The following FRMD5 variants were observed in gnomAD, a reference collection of about 807,000 sequenced individuals.
FRMD5 encodes FERM domain containing 5, also known as FERM domain-containing protein 5.
FRMD5 carries 20 observed loss-of-function variants against 69.0 expected under a neutral mutation model. That is an observed-to-expected ratio of 0.29 (90% CI 0.20 to 0.42). The LOEUF is 0.42. FRMD5 is among the 10% of genes least tolerant of loss of function. The pLI, the probability that FRMD5 is intolerant of heterozygous loss-of-function variation, is 1.00. For missense variants in FRMD5, 595 were observed against 708.6 expected (o/e 0.84, Z 1.82); for synonymous variants, 271 against 260.1 (o/e 1.04, Z -0.40).
intron 1 of FRMD5, among the ~76,000 whole-genome samples, chr15:44,033,043 G>T (rs1891753076): frequency 6.6e-6 from 1 of 152,122 alleles, no homozygotes; most frequent in South Asian, 2.1e-4. Context: ...AAAGAACAAG[G>T]TCATGTCTTT....
intron 1 of FRMD5, among the ~76,000 whole-genome samples, chr15:44,179,037 A>G (rs1002485582): frequency 1.3e-5 from 2 of 152,088 alleles, no homozygotes; most frequent in Non-Finnish European, 2.9e-5. Context: ...CCCAAGTCTA[A>G]TCAAAGTAAA....
intron 1 of FRMD5, among the ~76,000 whole-genome samples, chr15:44,178,723 G>T (rs1351844477): frequency 2.6e-5 from 4 of 152,114 alleles, no homozygotes; most frequent in African/African-American, 7.2e-5. Flanking sequence ...GGCCGGGTAC[G>T]GTGGCTCACA....
intron 1 of FRMD5, among the ~76,000 whole-genome samples, chr15:44,100,916 C>T (rs969019490): frequency 3.3e-5 from 5 of 151,988 alleles, no homozygotes; most frequent in South Asian, 4.2e-4. Context: ...TTTGGGAGGC[C>T]GAGGCAGGTG....
intron 1 of FRMD5, among the ~76,000 whole-genome samples, chr15:43,979,287 A>T (rs1034014343): frequency 6.6e-6 from 1 of 151,594 alleles, no homozygotes; most frequent in Non-Finnish European, 1.5e-5. Flanking sequence ...GTGAGCGGAG[A>T]TCACGCCATT....
intron 1 of FRMD5, among the ~76,000 whole-genome samples, chr15:44,026,899 CA>C (rs1408477150): frequency 1.3e-5 from 2 of 152,176 alleles, no homozygotes; most frequent in East Asian, 3.9e-4. Flanking sequence ...CATTGTCTAC[CA>C]GTTCTTTTGC....
At chr15:44,158,189 C>G (rs1050060559) in intron 1 of FRMD5, among the ~76,000 whole-genome samples, 9 of 152,122 alleles carry the variant, frequency 5.9e-5, no homozygotes, top group African/African-American at 2.2e-4. Context: ...GCATCTCACA[C>G]CAGGATGAGG....
At chr15:43,961,552 T>G (rs1204410464) in intron 1 of FRMD5, among the ~76,000 whole-genome samples, 3 of 152,220 alleles carry the variant, frequency 2.0e-5, no homozygotes, top group Non-Finnish European at 4.4e-5. Context: ...TAACTCATTT[T>G]ATGAGGTCAG....
At chr15:43,911,728 G>A (rs888658501) in intron 4 of FRMD5, among the ~76,000 whole-genome samples, 2 of 152,188 alleles carry the variant, frequency 1.3e-5, no homozygotes, top group African/African-American at 4.8e-5. Context: ...AATTCGAACA[G>A]TCTGAACCAA....
intron 1 of FRMD5, among the ~76,000 whole-genome samples, chr15:43,935,889 T>C (rs1312907311): frequency 3.3e-5 from 5 of 152,186 alleles, no homozygotes; most frequent in African/African-American, 7.2e-5. Flanking sequence ...GGAAAAACAC[T>C]CAATTCAGTG....
intron 1 of FRMD5, among the ~76,000 whole-genome samples, chr15:43,954,667 C>T (rs2090086662): frequency 6.6e-6 from 1 of 152,224 alleles, no homozygotes; most frequent in South Asian, 2.1e-4. Context: ...TTCTACAGAG[C>T]TTGGCGCTTG....
chr15:43,978,002 T>C (rs974861761), intron 1 of FRMD5, among the ~76,000 whole-genome samples: 1 of 151,888 alleles, frequency 6.6e-6, no homozygotes, highest in African/African-American at 2.4e-5. Context: ...CCCCTCCCCA[T>C]AGAAACTTTA....
intron 1 of FRMD5, 110 bp downstream of exon 1, chr15:44,194,843 A>T: frequency 1.1e-6 from 1 of 925,490 alleles, no homozygotes; most frequent in Non-Finnish European, 1.7e-6. Flanking sequence ...CGGACAAAGC[A>T]CGGCGCTGGG....
intron 1 of FRMD5, among the ~76,000 whole-genome samples, chr15:44,162,704 C>T (rs2140503865): frequency 6.6e-6 from 1 of 150,960 alleles, no homozygotes; most frequent in African/African-American, 2.4e-5. Context: ...TCCGACTCTA[C>T]TAAAAATACA....
chr15:44,032,356 T>A (rs770314452), intron 1 of FRMD5, among the ~76,000 whole-genome samples: 50 of 152,106 alleles, frequency 3.3e-4, no homozygotes, highest in Non-Finnish European at 1.0e-4. Flanking sequence ...ACAAGTGGGA[T>A]CTAATTAAAC....
chr15:44,124,272 C>T (rs967678763), intron 1 of FRMD5, among the ~76,000 whole-genome samples: 3 of 151,326 alleles, frequency 2.0e-5, no homozygotes, highest in African/African-American at 7.3e-5. Flanking sequence ...GGATTACAGG[C>T]GTGAGCCACC....
intron 1 of FRMD5, among the ~76,000 whole-genome samples, chr15:44,163,281 T>C (rs2077654274): frequency 6.6e-6 from 1 of 152,222 alleles, no homozygotes; most frequent in South Asian, 2.1e-4. Context: ...AAAATCCTTG[T>C]AACACTTCTT....
At chr15:43,998,458 TAGACATTGTCTTTGAC>T (rs1890038784) in intron 1 of FRMD5, among the ~76,000 whole-genome samples, 1 of 152,200 alleles carries the variant, frequency 6.6e-6, no homozygotes, top group Non-Finnish European at 1.5e-5. Flanking sequence ...GAGGCAACAC[TAGACATTGTCTTTGAC>T]ATTAGTTTCA....
intron 1 of FRMD5, among the ~76,000 whole-genome samples, chr15:43,929,512 A>G (rs1167697580): frequency 3.3e-5 from 5 of 152,222 alleles, no homozygotes; most frequent in East Asian, 1.9e-4. Context: ...AGTGATTCCA[A>G]CTTCCTCCTG....
chr15:44,143,293 G>A (rs1033360994), intron 1 of FRMD5, among the ~76,000 whole-genome samples: 1 of 151,934 alleles, frequency 6.6e-6, no homozygotes, highest in African/African-American at 2.4e-5. Context: ...CTTTGAAACT[G>A]TTCCTCATTT....
Sources: allele counts gnomAD v4.1 joint callset (sites outside exome capture counted in the v4.1 genomes callset), GRCh38; gene constraint gnomAD v4.1.1; transcripts MANE v1.5; gene names NCBI Gene and HGNC (gene_info 2026-07-23, HGNC 2026-07-21).